Variants in SYT1 observed in about 807,000 individuals in gnomAD.
SYT1 encodes synaptotagmin-1.
A neutral mutation model predicts 44.8 loss-of-function variants in SYT1; 8 were observed. That is an observed-to-expected ratio of 0.18 (90% CI 0.10 to 0.32). The LOEUF is 0.32. Ranked by LOEUF, SYT1 falls within the 10% of genes least tolerant of loss-of-function variation. SYT1 has a pLI of 1.00. For synonymous variants in SYT1, 154 were observed against 188.8 expected (o/e 0.82, Z 1.51); for missense variants, 286 against 509.3 (o/e 0.56, Z 4.22).
chr12:78,939,873 T>C (rs78238011), intron 1 of SYT1, among the ~76,000 whole-genome samples: 3,281 of 152,308 alleles, frequency 0.022, 53 homozygotes, highest in Middle Eastern at 0.078. Context: ...TTTCTGACAA[T>C]GCCCTATCTG....
intron 4 of SYT1, among the ~76,000 whole-genome samples, chr12:79,257,702 TGATCTC>T (rs1029247446): frequency 6.6e-6 from 1 of 152,186 alleles, no homozygotes; most frequent in African/African-American, 2.4e-5. Context: ...TTAGCCAGGA[TGATCTC>T]GATCTCTTGA....
chr12:79,144,662 C>T (rs935048991), intron 3 of SYT1, among the ~76,000 whole-genome samples: 2 of 152,208 alleles, frequency 1.3e-5, no homozygotes, highest in Non-Finnish European at 2.9e-5. Flanking sequence ...ACCAGAATAC[C>T]TCTCAAACCT....
chr12:78,949,244 A>G (rs555792827), intron 1 of SYT1, among the ~76,000 whole-genome samples: 1 of 151,754 alleles, frequency 6.6e-6, no homozygotes, highest in Non-Finnish European at 1.5e-5. Flanking sequence ...ACATAATTTT[A>G]GAAATATAGG....
At chr12:79,429,575 A>T (rs912035827) in intron 9 of SYT1, among the ~76,000 whole-genome samples, 1 of 149,272 alleles carries the variant, frequency 6.7e-6, no homozygotes, top group Non-Finnish European at 1.5e-5. Context: ...GTCACCCAGG[A>T]TGGAGTGCAG....
intron 9 of SYT1, among the ~76,000 whole-genome samples, chr12:79,365,022 A>G (rs1275078117): frequency 6.6e-6 from 1 of 152,166 alleles, no homozygotes; most frequent in Non-Finnish European, 1.5e-5. Flanking sequence ...AATAAAGTTA[A>G]TCCACAACCC....
At chr12:79,328,162 G>A (rs1340061507) in intron 8 of SYT1, among the ~76,000 whole-genome samples, 1 of 152,138 alleles carries the variant, frequency 6.6e-6, no homozygotes, top group Admixed American at 6.5e-5. Context: ...AAGACAGAAT[G>A]TGAACTAAAA....
At chr12:79,124,166 T>C (rs61927276) in intron 3 of SYT1, among the ~76,000 whole-genome samples, 17,269 of 152,230 alleles carry the variant, frequency 0.11, 1,049 homozygotes, top group African/African-American at 0.13. Context: ...TCCTGTAACT[T>C]ACACATTTTG....
At chr12:79,202,769 T>G (rs994853047) in intron 3 of SYT1, among the ~76,000 whole-genome samples, 1 of 152,220 alleles carries the variant, frequency 6.6e-6, no homozygotes, top group Non-Finnish European at 1.5e-5. Context: ...TCAATTGGAA[T>G]GCAATATATA....
intron 8 of SYT1, among the ~76,000 whole-genome samples, chr12:79,336,137 T>G (rs951487560): frequency 2.0e-5 from 3 of 152,196 alleles, no homozygotes; most frequent in African/African-American, 7.2e-5. Context: ...CTCTATCATC[T>G]GAGGTTCACA....
At chr12:79,344,924 A>G (rs1882538996) in intron 8 of SYT1, among the ~76,000 whole-genome samples, 1 of 152,258 alleles carries the variant, frequency 6.6e-6, no homozygotes, top group African/African-American at 2.4e-5. Flanking sequence ...TTTCTAAATC[A>G]TAAAGTGGAA....
chr12:79,381,458 G>GC (rs1465288914), intron 9 of SYT1, among the ~76,000 whole-genome samples: 6 of 152,202 alleles, frequency 3.9e-5, no homozygotes, highest in Non-Finnish European at 7.3e-5. Context: ...AATGCAAGAG[G>GC]CATCTCTGTG....
At chr12:79,241,059 G>A (rs1440489033) in intron 4 of SYT1, among the ~76,000 whole-genome samples, 5 of 152,018 alleles carry the variant, frequency 3.3e-5, no homozygotes, top group Non-Finnish European at 1.5e-5. Flanking sequence ...TTTAGTCCCA[G>A]CTACTTAGGA....
At chr12:78,927,837 A>T (rs1345986353) in intron 1 of SYT1, among the ~76,000 whole-genome samples, 1 of 152,166 alleles carries the variant, frequency 6.6e-6, no homozygotes, top group East Asian at 1.9e-4. Flanking sequence ...AACCGTCTAT[A>T]GCATAATACT....
At chr12:79,402,715 C>T (rs962028029) in intron 9 of SYT1, among the ~76,000 whole-genome samples, 4 of 152,128 alleles carry the variant, frequency 2.6e-5, no homozygotes, top group Non-Finnish European at 5.9e-5. Context: ...GTGTGTGAGG[C>T]AGGGCTTAGG....
intron 4 of SYT1, among the ~76,000 whole-genome samples, chr12:79,229,966 T>C (rs962300375): frequency 2.4e-4 from 37 of 152,020 alleles, no homozygotes; most frequent in African/African-American, 8.0e-4. Context: ...TCATTTTCAG[T>C]ATATTAAAAA....
At position 78,975,960 on chromosome 12, in the gene SYT1, G is replaced by T. The variant is rs1027908505; in HGVS notation, c.-216-1839G>T. Among the ~76,000 whole-genome samples the T allele has an allele frequency of 2.0e-5, 3 of 152,256 alleles. No individual in the cohort carries two copies. In the East Asian group the frequency reaches 5.8e-4, roughly 29 times the overall value. ...GATAGCAGTAGCTCAGGGCATTATT[G>T]TTTAATCATCTCATGCTCAATATTC... On this transcript the variant is annotated intron_variant, in intron 1 of 10. Coordinates refer to ENST00000261205, the MANE Select transcript of SYT1 (RefSeq NM_005639.3).
At chr12:79,252,340 C>A (rs1013556915) in intron 4 of SYT1, among the ~76,000 whole-genome samples, 1 of 152,122 alleles carries the variant, frequency 6.6e-6, no homozygotes, top group African/African-American at 2.4e-5. Context: ...TCATCATCAT[C>A]ATCATCACCA....
intron 9 of SYT1, among the ~76,000 whole-genome samples, chr12:79,353,856 T>G (rs1883008027): frequency 6.6e-6 from 1 of 152,232 alleles, no homozygotes; most frequent in African/African-American, 2.4e-5. Flanking sequence ...AAAGTATCAA[T>G]TGTCTTTTTA....
intron 3 of SYT1, among the ~76,000 whole-genome samples, chr12:79,099,792 C>T (rs1184425318): frequency 6.6e-6 from 1 of 152,046 alleles, no homozygotes; most frequent in Non-Finnish European, 1.5e-5. Flanking sequence ...CAGTGACTGG[C>T]TTACTGGATT....
Sources: allele counts gnomAD v4.1 joint callset (sites outside exome capture counted in the v4.1 genomes callset), GRCh38; gene constraint gnomAD v4.1.1; transcripts MANE v1.5; gene names NCBI Gene and HGNC (gene_info 2026-07-23, HGNC 2026-07-21).